The following FAAH2 variants were observed in gnomAD, a reference collection of about 807,000 sequenced individuals.
FAAH2 encodes fatty-acid amide hydrolase 2.
A neutral mutation model predicts 36.9 loss-of-function variants in FAAH2; 60 were observed. That is an observed-to-expected ratio of 1.63 (90% confidence interval 1.32 to 2.02). FAAH2 has a LOEUF of 2.02. Among genes scored for constraint, FAAH2 ranks in the 30% most tolerant of loss-of-function variants. The probability of loss-of-function intolerance (pLI) is 0.00; values close to 1 mark genes in which losing one functional copy is unlikely to be tolerated. For synonymous variants in FAAH2, 214 were observed against 143.8 expected, an observed-to-expected ratio of 1.49 and a Z score of -3.49; for missense variants, 689 against 397.5, an observed-to-expected ratio of 1.73 and a Z score of -6.23.
At chrX:57,140,417 CAAAAAAA>C in the FAAH2 span, among the ~76,000 whole-genome samples, 10 of 64,797 alleles carry the variant, frequency 1.5e-4, no homozygotes, top group African/African-American at 2.0e-4. Flanking sequence ...CCATCTCTAC[CAAAAAAA>C]AAAAAAAAAA....
At chrX:57,250,102 T>G in the FAAH2 span, among the ~76,000 whole-genome samples, 1 of 112,167 alleles carries the variant, frequency 8.9e-6, no homozygotes, top group Non-Finnish European at 1.9e-5. Context: ...AAATTTATTT[T>G]GACATATCCT....
At chrX:57,170,141 T>C in the FAAH2 span, among the ~76,000 whole-genome samples, 1 of 111,894 alleles carries the variant, frequency 8.9e-6, no homozygotes, top group Non-Finnish European at 1.9e-5. Flanking sequence ...TGGCTAACTT[T>C]TGTTTTTGTT....
At chrX:57,215,995 T>A in the FAAH2 span, among the ~76,000 whole-genome samples, 1 of 106,467 alleles carries the variant, frequency 9.4e-6, no homozygotes, top group Non-Finnish European at 1.9e-5. Context: ...AATAACAAAA[T>A]GCTTTATGTA....
intron 4 of FAAH2, among the ~76,000 whole-genome samples, chrX:57,338,699 C>T (rs887172287): frequency 1.8e-5 from 2 of 110,558 alleles, no homozygotes; most frequent in Middle Eastern, 4.6e-3. Context: ...ATACAGCTAA[C>T]AAGGAAAGTG....
chrX:57,200,920 A>G, the FAAH2 span, among the ~76,000 whole-genome samples: 9 of 109,942 alleles, frequency 8.2e-5, no homozygotes, highest in Non-Finnish European at 1.7e-4. Context: ...TTATTAAATT[A>G]CTCCCTTTGG....
At chrX:57,188,846 T>G in the FAAH2 span, among the ~76,000 whole-genome samples, 1 of 111,428 alleles carries the variant, frequency 9.0e-6, no homozygotes, top group Non-Finnish European at 1.9e-5. Context: ...CCTTCGAGAA[T>G]CTGATAATTA....
intron 8 of FAAH2, 21 bp downstream of exon 8, chrX:57,432,058 A>G: frequency 1.7e-6 from 2 of 1,172,236 alleles, no homozygotes; most frequent in Non-Finnish European, 2.3e-6. Flanking sequence ...CTCTTTCTTT[A>G]CTTACTTTTT....
chrX:57,461,298 A>G (rs1214640023), intron 10 of FAAH2, among the ~76,000 whole-genome samples: 1 of 111,811 alleles, frequency 8.9e-6, no homozygotes, highest in Admixed American at 9.5e-5. Context: ...CTCTGAACCA[A>G]GCAAACCTAA....
chrX:57,479,434 A>T (rs1019751647), intron 10 of FAAH2, among the ~76,000 whole-genome samples: 1 of 111,607 alleles, frequency 9.0e-6, no homozygotes, highest in Non-Finnish European at 1.9e-5. Flanking sequence ...GTCATCTGCA[A>T]ACAGGGACAA....
chrX:57,202,021 T>A, the FAAH2 span, among the ~76,000 whole-genome samples: 1 of 112,029 alleles, frequency 8.9e-6, no homozygotes. Context: ...GTTTTTCTGA[T>A]AGAATTCTGA....
At chrX:57,158,146 G>C in the FAAH2 span, among the ~76,000 whole-genome samples, 3 of 111,387 alleles carry the variant, frequency 2.7e-5, no homozygotes, top group African/African-American at 9.8e-5. Flanking sequence ...ATGGTTTCCA[G>C]CTTCATCCAT....
the FAAH2 span, among the ~76,000 whole-genome samples, chrX:57,189,777 C>T: frequency 9.0e-6 from 1 of 111,680 alleles, no homozygotes; most frequent in South Asian, 3.8e-4. Flanking sequence ...CCCAGAGGGG[C>T]ACCAGCCCGA....
At chrX:57,444,105 G>C (rs4826558) in intron 8 of FAAH2, among the ~76,000 whole-genome samples, 60,223 of 110,895 alleles carry the variant, frequency 0.54, 14,382 homozygotes, top group Non-Finnish European at 0.75. Context: ...ATCTCAAACT[G>C]CATGCTGGGA....
intron 9 of FAAH2, among the ~76,000 whole-genome samples, chrX:57,447,307 A>G (rs935433781): frequency 1.8e-5 from 2 of 111,060 alleles, no homozygotes; most frequent in African/African-American, 6.6e-5. Flanking sequence ...ATGTGTTGGC[A>G]TTGAGTGTCT....
chrX:57,150,268 T>C, the FAAH2 span, among the ~76,000 whole-genome samples: 1 of 112,150 alleles, frequency 8.9e-6, no homozygotes, highest in Non-Finnish European at 1.9e-5. Flanking sequence ...TGTAGGTGTC[T>C]ATTAGGTGCA....
intron 10 of FAAH2, among the ~76,000 whole-genome samples, chrX:57,458,974 C>T (rs1344050167): frequency 8.9e-6 from 1 of 111,743 alleles, no homozygotes; most frequent in Non-Finnish European, 1.9e-5. Flanking sequence ...AAGACAGAAC[C>T]GTTCACTCCC....
chrX:57,422,745 A>G (rs1286054701), intron 7 of FAAH2, among the ~76,000 whole-genome samples: 1 of 111,345 alleles, frequency 9.0e-6, no homozygotes, highest in East Asian at 2.9e-4. Context: ...TGCAGGGAGG[A>G]CACAAGGACA....
intron 3 of FAAH2, among the ~76,000 whole-genome samples, chrX:57,328,273 G>C (rs990721545): frequency 1.8e-5 from 2 of 111,640 alleles, no homozygotes; most frequent in Non-Finnish European, 1.9e-5. Context: ...CCCAGTTAGG[G>C]TACTCGGGGG....
rs1467732107 is a variant in FAAH2, at chrX:57,304,166, C to T, written c.276-6427C>T. Among the ~76,000 whole-genome samples the T allele has an allele frequency of 2.7e-5, 3 of 111,713 alleles. No individual in the cohort carries two copies. In the East Asian group the frequency reaches 8.4e-4, roughly 31 times the overall value. Reference sequence around the variant, plus strand: ...AGGTTGCAGTGAGCTGAGATCTTGCCACTGCACTCCAGCCTGGCCGACAGA... The same window carrying T: ...AGGTTGCAGTGAGCTGAGATCTTGCTACTGCACTCCAGCCTGGCCGACAGA... On this transcript the variant is annotated intron_variant, in intron 2 of 10. Coordinates refer to ENST00000374900, the MANE Select transcript of FAAH2 (RefSeq NM_174912.4).
Sources: gnomAD v4.1 joint callset for allele counts (sites outside exome capture counted in the v4.1 genomes callset) on GRCh38, gnomAD v4.1.1 for gene constraint, MANE v1.5 for transcripts, NCBI Gene and HGNC (gene_info 2026-07-23, HGNC 2026-07-21) for gene names.